ADAMTSL1: variants seen among roughly 807,000 people sequenced by gnomAD.
The protein encoded by ADAMTSL1 is ADAMTS like 1, also known as ADAMTS-like protein 1.
Under a neutral mutation model 201.8 loss-of-function variants are expected in ADAMTSL1, and 126 were observed. The observed-to-expected ratio is 0.62, with a 90% CI of 0.54 to 0.72. The LOEUF (loss-of-function observed/expected upper bound fraction) is 0.72, where lower values mean the gene tolerates loss of function less well. Ranked by LOEUF, ADAMTSL1 falls within the 30% of genes least tolerant of loss-of-function variation. ADAMTSL1 has a pLI of 0.00. For missense variants in ADAMTSL1, 2,679 were observed against 2,277.8 expected (o/e 1.18, Z -3.59); for synonymous variants, 1,121 against 903.4 (o/e 1.24, Z -4.32).
intron 2 of ADAMTSL1, among the ~76,000 whole-genome samples, chr9:18,385,482 A>T (rs907523996): frequency 4.6e-5 from 7 of 152,194 alleles, no homozygotes; most frequent in Admixed American, 4.6e-4. Context: ...TATTTCAAAC[A>T]GTACGTTAGT....
chr9:18,556,430 A>G (rs1821114229), intron 3 of ADAMTSL1, among the ~76,000 whole-genome samples: 1 of 152,006 alleles, frequency 6.6e-6, no homozygotes, highest in Non-Finnish European at 1.5e-5. Context: ...CTTACTCTAG[A>G]TGACTTTAAT....
Position 18,025,298 on chromosome 9 carries a change from C to A in ADAMTSL1, c.87+118376C>A, listed in dbSNP as rs1287699571. On this transcript the variant is annotated intron_variant, in intron 1 of 29. Coordinates refer to the ADAMTSL1 transcript ENST00000680146. ...TCAATTTTTATTTTTGTTGCATTTGCTTTTGAGGACTTAGTTATAAATATT... is the reference window on the plus strand; with the variant it reads ...TCAATTTTTATTTTTGTTGCATTTGATTTTGAGGACTTAGTTATAAATATT... Among the ~76,000 whole-genome samples, 5 of 152,046 alleles carry A rather than the reference C, an allele frequency of 3.3e-5. No individual in the cohort carries two copies. In the East Asian group the frequency reaches 5.8e-4, roughly 18 times the overall value.
chr9:18,319,342 A>G (rs1414737389), intron 2 of ADAMTSL1, among the ~76,000 whole-genome samples: 1 of 152,186 alleles, frequency 6.6e-6, no homozygotes, highest in African/African-American at 2.4e-5. Context: ...TTTTCCATTT[A>G]TTTTATGTGG....
In ADAMTSL1 at chr9:18,477,476, G is replaced by A. The variant is rs369179083; in HGVS notation, c.63+3181G>A. On this transcript the variant is annotated intron_variant, in intron 1 of 28. Transcript: ENST00000380548. ...ACTCTCTCCCACTATTATCTAAGTG[G>A]ATCTATCTTGGATGGGGAGAAGCAC... Among the ~76,000 whole-genome samples, 18 of 152,262 alleles carry A rather than the reference G, an allele frequency of 1.2e-4. No homozygotes were observed. In the South Asian group the frequency reaches 2.7e-3, roughly 23 times the overall value.
chr9:18,588,696 C>T (rs541001890), intron 4 of ADAMTSL1, among the ~76,000 whole-genome samples: 3 of 151,680 alleles, frequency 2.0e-5, no homozygotes, highest in Admixed American at 1.3e-4. Context: ...TTTCCCAGAA[C>T]CACTTATTGA....
intron 1 of ADAMTSL1, among the ~76,000 whole-genome samples, chr9:18,153,040 A>C (rs974081351): frequency 4.1e-5 from 3 of 74,058 alleles, no homozygotes; most frequent in Non-Finnish European, 7.2e-5. Flanking sequence ...TCTCTTCAGC[A>C]TGAAGTAGAA....
At chr9:18,649,199 A>T (rs549506243) in intron 7 of ADAMTSL1, among the ~76,000 whole-genome samples, 9 of 152,158 alleles carry the variant, frequency 5.9e-5, no homozygotes, top group African/African-American at 1.2e-4. Flanking sequence ...AGGCTTCTGC[A>T]TTCTCCACGT....
At chr9:17,913,364 T>C (rs910667610) in intron 1 of ADAMTSL1, among the ~76,000 whole-genome samples, 1 of 152,212 alleles carries the variant, frequency 6.6e-6, no homozygotes, top group Non-Finnish European at 1.5e-5. Context: ...TATCCTCTTT[T>C]ATTTCATTGA....
At position 18,807,320 on chromosome 9, in the gene ADAMTSL1, C is replaced by G. The variant is rs551724164; in HGVS notation, c.3806-9789C>G. On this transcript the variant is annotated intron_variant, in intron 20 of 28. Transcript: ENST00000380548. ...ACACTATTCTGTGAGCTGATGCTGA[C>G]TTGCTAAAACTAAATGGCTGTTCAC... Among the ~76,000 whole-genome samples the G allele has an allele frequency of 2.0e-5, 3 of 152,312 alleles. No individual in the cohort carries two copies. In the East Asian group the frequency reaches 5.8e-4, roughly 29 times the overall value.
intron 1 of ADAMTSL1, among the ~76,000 whole-genome samples, chr9:18,150,425 A>T (rs377575408): frequency 6.6e-6 from 1 of 152,072 alleles, no homozygotes; most frequent in Non-Finnish European, 1.5e-5. Context: ...TACATTTGGT[A>T]TCTAGGAAGA....
chr9:18,860,192 C>A (rs1038366301), intron 23 of ADAMTSL1, among the ~76,000 whole-genome samples: 2 of 152,206 alleles, frequency 1.3e-5, no homozygotes, highest in Non-Finnish European at 2.9e-5. Context: ...GTATTGAATT[C>A]ATCTTCCTTG....
chr9:18,219,519 C>G (rs762175585), intron 2 of ADAMTSL1, among the ~76,000 whole-genome samples: 2 of 151,984 alleles, frequency 1.3e-5, no homozygotes, highest in Non-Finnish European at 2.9e-5. Flanking sequence ...CAAGGATGCA[C>G]CACCGTGCCT....
chr9:17,975,077 T>C (rs56250788), intron 1 of ADAMTSL1, among the ~76,000 whole-genome samples: 2,341 of 152,154 alleles, frequency 0.015, 27 homozygotes, highest in Middle Eastern at 0.068. Flanking sequence ...CAAAGTGGTA[T>C]TTTATTATGT....
At chr9:18,788,686 C>T (rs535830616) in intron 19 of ADAMTSL1, among the ~76,000 whole-genome samples, 1 of 152,164 alleles carries the variant, frequency 6.6e-6, no homozygotes, top group South Asian at 2.1e-4. Flanking sequence ...TCTAAGGAAT[C>T]CCTAAGCAGA....
chr9:18,669,645 T>C (rs919983887), intron 9 of ADAMTSL1, among the ~76,000 whole-genome samples: 3 of 152,198 alleles, frequency 2.0e-5, no homozygotes, highest in Non-Finnish European at 4.4e-5. Context: ...TAAGAAGTCA[T>C]GAAGTGTCAC....
chr9:18,576,553 A>G (rs890520687), intron 4 of ADAMTSL1, among the ~76,000 whole-genome samples: 1 of 152,210 alleles, frequency 6.6e-6, no homozygotes, highest in Non-Finnish European at 1.5e-5. Flanking sequence ...AGAATCACAG[A>G]GTCCTGGACT....
At chr9:18,230,361 C>T (rs1191775667) in intron 2 of ADAMTSL1, among the ~76,000 whole-genome samples, 1 of 152,062 alleles carries the variant, frequency 6.6e-6, no homozygotes, top group Non-Finnish European at 1.5e-5. Context: ...GACTAGTATC[C>T]AGAATGACAG....
At chr9:18,084,182 C>G (rs1823641077) in intron 1 of ADAMTSL1, among the ~76,000 whole-genome samples, 1 of 152,134 alleles carries the variant, frequency 6.6e-6, no homozygotes, top group Non-Finnish European at 1.5e-5. Context: ...GCTTTCCATA[C>G]AGATTAGGTG....
At chr9:18,074,626 C>T (rs373960314) in intron 1 of ADAMTSL1, among the ~76,000 whole-genome samples, 12 of 149,002 alleles carry the variant, frequency 8.1e-5, no homozygotes, top group African/African-American at 2.5e-4. Flanking sequence ...GTTTCACTCT[C>T]GTCACTCAGG....
Sources: allele counts gnomAD v4.1 joint callset (sites outside exome capture counted in the v4.1 genomes callset), GRCh38; gene constraint gnomAD v4.1.1; transcripts MANE v1.5; gene names NCBI Gene and HGNC (gene_info 2026-07-23, HGNC 2026-07-21).